Variants in MAD1L1 observed in about 807,000 individuals in gnomAD.
The protein encoded by MAD1L1 is mitotic arrest deficient 1 like 1, also known as mitotic spindle assembly checkpoint protein MAD1.
MAD1L1 carries 95 observed loss-of-function variants against 96.9 expected under a neutral mutation model. That is an observed-to-expected ratio of 0.98 (90% CI 0.83 to 1.16). MAD1L1 has a LOEUF of 1.16. Among genes scored for constraint, MAD1L1 ranks in the 50% most tolerant of loss-of-function variants. The pLI, the probability that MAD1L1 is intolerant of heterozygous loss-of-function variation, is 0.00. For missense variants in MAD1L1, 1,007 were observed against 954.4 expected, an observed-to-expected ratio of 1.06 and a Z score of -0.73; for synonymous variants, 473 against 396.6, an observed-to-expected ratio of 1.19 and a Z score of -2.29.
intron 18 of MAD1L1, among the ~76,000 whole-genome samples, chr7:1,827,096 C>T (rs1192094310): frequency 2.0e-5 from 3 of 152,170 alleles, no homozygotes; most frequent in Non-Finnish European, 4.4e-5. Context: ...CGGGGTGGGG[C>T]GGCCTGCGCA....
At chr7:2,187,615 T>A (rs1214446196) in intron 10 of MAD1L1, among the ~76,000 whole-genome samples, 17 of 152,054 alleles carry the variant, frequency 1.1e-4, no homozygotes, top group Non-Finnish European at 1.5e-4. Flanking sequence ...ACTACAGGAG[T>A]ACTGGGCCCA....
intron 17 of MAD1L1, among the ~76,000 whole-genome samples, chr7:1,907,352 C>T (rs943578973): frequency 2.0e-5 from 3 of 152,216 alleles, no homozygotes; most frequent in Admixed American, 6.5e-5. Context: ...GAGGCAGCTT[C>T]GGAACTTTTC....
At chr7:1,989,472 A>G (rs1233121829) in intron 14 of MAD1L1, among the ~76,000 whole-genome samples, 1 of 152,278 alleles carries the variant, frequency 6.6e-6, no homozygotes, top group Non-Finnish European at 1.5e-5. Context: ...GGGGAGCAGA[A>G]AGCCAGGCAC....
At chr7:2,223,311 G>A (rs1378979094) in intron 4 of MAD1L1, among the ~76,000 whole-genome samples, 5 of 152,142 alleles carry the variant, frequency 3.3e-5, no homozygotes, top group East Asian at 1.9e-4. Context: ...CACCCCCCAC[G>A]ACTGGCCTTA....
At chr7:1,824,869 G>C (rs563230322) in intron 18 of MAD1L1, among the ~76,000 whole-genome samples, 50 of 152,126 alleles carry the variant, frequency 3.3e-4, no homozygotes, top group Non-Finnish European at 5.6e-4. Context: ...CACATGGGGC[G>C]AGCCGGGGAG....
chr7:1,893,386 C>T (rs560348359), intron 18 of MAD1L1, among the ~76,000 whole-genome samples: 216 of 152,332 alleles, frequency 1.4e-3, no homozygotes, highest in Non-Finnish European at 2.6e-3. Flanking sequence ...GAAACGGCTT[C>T]GGCTATTTCT....
chr7:2,190,624 T>TA (rs891952045), intron 10 of MAD1L1, among the ~76,000 whole-genome samples: 3 of 151,984 alleles, frequency 2.0e-5, no homozygotes, highest in Admixed American at 2.0e-4. Context: ...ACAGTCCAAT[T>TA]AAAAAATGGG....
intron 11 of MAD1L1, among the ~76,000 whole-genome samples, chr7:2,137,254 T>A (rs1584406469): frequency 1.3e-5 from 2 of 152,356 alleles, no homozygotes; most frequent in Middle Eastern, 3.4e-3. Flanking sequence ...CAAGTAGTAT[T>A]CATTTCTGTG....
intron 16 of MAD1L1, among the ~76,000 whole-genome samples, chr7:1,943,284 C>T (rs555871154): frequency 1.3e-5 from 2 of 152,354 alleles, no homozygotes; most frequent in East Asian, 3.9e-4. Context: ...AAACTAAGAA[C>T]TCTTGTGCTT....
At chr7:1,953,262 G>C (rs1014378293) in intron 16 of MAD1L1, among the ~76,000 whole-genome samples, 1 of 152,156 alleles carries the variant, frequency 6.6e-6, no homozygotes, top group Non-Finnish European at 1.5e-5. Context: ...CAGGGAACCC[G>C]GCAATCTTCT....
intron 14 of MAD1L1, among the ~76,000 whole-genome samples, chr7:1,995,292 T>G (rs1781506309): frequency 6.6e-6 from 1 of 151,932 alleles, no homozygotes; most frequent in Admixed American, 6.6e-5. Context: ...GCAGCGAGCC[T>G]GGAACCAGCC....
intron 14 of MAD1L1, among the ~76,000 whole-genome samples, chr7:1,992,557 T>A (rs539192849): frequency 6.6e-6 from 1 of 152,300 alleles, no homozygotes; most frequent in South Asian, 2.1e-4. Context: ...ATTTGAAAGT[T>A]CTCCCTACAG....
chr7:2,073,794 A>G (rs2398707), intron 11 of MAD1L1, among the ~76,000 whole-genome samples: 7,025 of 152,296 alleles, frequency 0.046, 263 homozygotes, highest in African/African-American at 0.096. Flanking sequence ...CCTTCCTGGC[A>G]GTGAAATCCA....
intron 18 of MAD1L1, among the ~76,000 whole-genome samples, chr7:1,866,852 T>C (rs1471998010): frequency 6.6e-6 from 1 of 152,178 alleles, no homozygotes; most frequent in Non-Finnish European, 1.5e-5. Context: ...GGAGGAGAGA[T>C]GGGCAGCTCA....
intron 11 of MAD1L1, among the ~76,000 whole-genome samples, chr7:2,118,245 G>A (rs148118306): frequency 6.6e-6 from 1 of 152,338 alleles, no homozygotes; most frequent in Admixed American, 6.5e-5. Context: ...GCAGCATCCA[G>A]GGCACAGTGC....
At chr7:2,224,645 C>T (rs544236049) in intron 4 of MAD1L1, among the ~76,000 whole-genome samples, 6 of 152,280 alleles carry the variant, frequency 3.9e-5, no homozygotes, top group South Asian at 4.1e-4. Context: ...AGAGAGGGCA[C>T]GGAGGCCAGG....
chr7:2,156,305 G>A (rs562394295), intron 10 of MAD1L1, among the ~76,000 whole-genome samples: 9 of 152,330 alleles, frequency 5.9e-5, no homozygotes, highest in Non-Finnish European at 1.3e-4. Flanking sequence ...GTGTGGCGAG[G>A]GCAGTGGATG....
At position 1,885,735 on chromosome 7, in the gene MAD1L1, C is replaced by T. The variant is rs539053596; in HGVS notation, c.1998+12465G>A. 1.7e-4 allele frequency among the ~76,000 whole-genome samples: 26 copies of T among 152,320 alleles called. 1 individual carries two copies. In the South Asian group the frequency reaches 4.4e-3, roughly 26 times the overall value. ...TGACTGCTGCCCCGTGGAGCAGAGGCAGATCCCCGAGGGCTCGGCAGCCCG... is the reference window on the plus strand; with the variant it reads ...TGACTGCTGCCCCGTGGAGCAGAGGTAGATCCCCGAGGGCTCGGCAGCCCG... On this transcript the variant is annotated intron_variant, in intron 18 of 18. Transcript: ENST00000265854.
intron 15 of MAD1L1, among the ~76,000 whole-genome samples, chr7:1,965,400 G>A (rs1470061810): frequency 2.0e-5 from 3 of 152,208 alleles, no homozygotes; most frequent in African/African-American, 4.8e-5. Flanking sequence ...GCCTGGACAC[G>A]TGCCCGGCTC....
Sources: gnomAD v4.1 joint callset for allele counts (sites outside exome capture counted in the v4.1 genomes callset) on GRCh38, gnomAD v4.1.1 for gene constraint, MANE v1.5 for transcripts, NCBI Gene and HGNC (gene_info 2026-07-23, HGNC 2026-07-21) for gene names.